Variants in BRD9 observed in about 807,000 individuals in gnomAD.
BRD9 encodes the protein bromodomain containing 9.
Under a neutral mutation model 68.7 loss-of-function variants are expected in BRD9, and 47 were observed. That is an observed-to-expected ratio of 0.68 (90% CI 0.54 to 0.87). BRD9 has a LOEUF of 0.87. Among genes scored for constraint, BRD9 ranks in the 40% least tolerant of loss-of-function variants. The probability of loss-of-function intolerance (pLI) is 0.00; values close to 1 mark genes in which losing one functional copy is unlikely to be tolerated. For synonymous variants in BRD9, 313 were observed against 293.9 expected (o/e 1.06, Z -0.67); for missense variants, 670 against 748.4 (o/e 0.90, Z 1.22).
At chr5:878,213 G>T in intron 11 of BRD9, 142 bp downstream of exon 11, 1 of 1,232,982 alleles carries the variant, frequency 8.1e-7, no homozygotes, top group Non-Finnish European at 1.1e-6. Context: ...ATGACTGAAA[G>T]CAACGGGAAG....
chr5:864,683 G>T, intron 15 of BRD9, 115 bp from the exon 16 acceptor site: 1 of 811,460 alleles, frequency 1.2e-6, no homozygotes, highest in Non-Finnish European at 2.0e-6. Context: ...GGGACTCCCA[G>T]GACACAGGGG....
At chr5:883,116 C>T (rs994737332) in intron 8 of BRD9, 47 of 361,356 alleles carry the variant, frequency 1.3e-4, no homozygotes, top group South Asian at 3.8e-4. Flanking sequence ...ACCGCAACCT[C>T]GCAACACGCA....
chr5:880,968 G>A, intron 9 of BRD9, 139 bp downstream of exon 9: 2 of 828,356 alleles, frequency 2.4e-6, no homozygotes, highest in African/African-American at 1.7e-5. Context: ...GTCACGTTGG[G>A]GTGCGAGCAA....
intron 14 of BRD9, 24 bp downstream of exon 14, chr5:870,449 G>C (rs771287039): frequency 1.3e-6 from 2 of 1,568,248 alleles, no homozygotes; most frequent in Middle Eastern, 1.7e-4. Flanking sequence ...CAGGTGCTGT[G>C]GGAAAGTGCC....
intron 12 of BRD9, among the ~76,000 whole-genome samples, chr5:872,546 G>A (rs1267806091): frequency 6.6e-6 from 1 of 152,178 alleles, no homozygotes; most frequent in African/African-American, 2.4e-5. Context: ...GAAGGAGCCT[G>A]CAGGCCACGA....
chr5:880,119 TACC>T (rs1751525883), intron 9 of BRD9: 8 of 262,912 alleles, frequency 3.0e-5, no homozygotes, highest in Admixed American at 2.9e-4. Context: ...CAATAAAAAA[TACC>T]ACATCTTTGG....
intron 12 of BRD9, among the ~76,000 whole-genome samples, chr5:874,598 C>T (rs750695217): frequency 4.6e-5 from 7 of 152,140 alleles, no homozygotes; most frequent in Non-Finnish European, 8.8e-5. Flanking sequence ...GAACCGGAAA[C>T]GGCAGAGGCG....
intron 8 of BRD9, chr5:881,532 C>T (rs73733943): frequency 0.013 from 4,619 of 366,502 alleles, 178 homozygotes; most frequent in African/African-American, 0.081. Context: ...GCGGCTCCAG[C>T]CCTCAAGCAT....
chr5:884,113 C>A (rs1487017686), intron 7 of BRD9, 43 bp from the exon 8 acceptor site: 3 of 1,599,318 alleles, frequency 1.9e-6, no homozygotes, highest in African/African-American at 2.7e-5. Flanking sequence ...GCAGCGTCCC[C>A]ACCGCACACC....
At chr5:892,120 G>A (rs370002591) in intron 1 of BRD9, 5 of 523,550 alleles carry the variant, frequency 9.6e-6, no homozygotes, top group Non-Finnish European at 1.3e-5. Context: ...CACATTACTC[G>A]TTCAAGAAGA....
At chr5:868,070 T>C (rs1749611609) in intron 14 of BRD9, among the ~76,000 whole-genome samples, 1 of 152,186 alleles carries the variant, frequency 6.6e-6, no homozygotes, top group Non-Finnish European at 1.5e-5. Context: ...TCCCCCTTGC[T>C]GTTCTCTGTT....
rs767914587 is a variant in BRD9 at position 891,298 on chromosome 5, G to C, written c.268-11C>G. Reference sequence around the variant, plus strand: ...CCGCTTCTTCTCTTCCTGGGCGGCAGAGTCAAGGGAGTGAGAAAGGCAGGA... The same window carrying C: ...CCGCTTCTTCTCTTCCTGGGCGGCACAGTCAAGGGAGTGAGAAAGGCAGGA... On this transcript the variant is annotated splice_polypyrimidine_tract_variant and intron_variant, in intron 2 of 15. Transcript: ENST00000467963. The C allele has an allele frequency of 8.4e-6, 13 of 1,549,818 alleles. No homozygotes were observed. The South Asian group carries it at 1.2e-4, about 14-fold the overall frequency.
chr5:871,710 C>T (rs1435016384), intron 12 of BRD9, 146 bp from the exon 13 acceptor site: 2 of 761,502 alleles, frequency 2.6e-6, no homozygotes, highest in African/African-American at 1.7e-5. Flanking sequence ...TGGATTAAGG[C>T]TGGGGGTCCT....
In BRD9 at chr5:876,157, G is replaced by A; in HGVS notation, c.1327C>T (p.Leu443Phe). The A allele has an allele frequency of 1.2e-6, 2 of 1,613,690 alleles. No homozygotes were observed. The highest frequency in any genetic ancestry group is 8.5e-7 in the Non-Finnish European group (1 of 1,179,926). ...TCTCCGCCTGTGATCTGGTCCAGGA[G>A]GTCGTCCACCACTTTCTTGCTGTAG... ...GSYSKKVVDD[L>F]LDQITGGDHS... The change falls in exon 12 of 16, where the codon CTC becomes TTC. Residue 443 changes from leucine to phenylalanine, a missense_variant. By Grantham distance (22) the Leu-to-Phe change is conservative. Coordinates refer to ENST00000467963, the MANE Select transcript of BRD9 (RefSeq NM_023924.5).
intron 12 of BRD9, among the ~76,000 whole-genome samples, chr5:874,037 TGAAA>T (rs1263378956): frequency 6.6e-6 from 1 of 152,242 alleles, no homozygotes; most frequent in Non-Finnish European, 1.5e-5. Flanking sequence ...CAGTATTCTC[TGAAA>T]GAGAGAAAGA....
intron 13 of BRD9, among the ~76,000 whole-genome samples, 153 bp from the exon 14 acceptor site, chr5:870,728 G>A (rs1750019800): frequency 6.6e-6 from 1 of 152,226 alleles, no homozygotes; most frequent in African/African-American, 2.4e-5. Flanking sequence ...CACTGAGGCT[G>A]CTGTTCAAGG....
intron 8 of BRD9, 145 bp from the exon 9 acceptor site, chr5:881,327 T>A: frequency 1.3e-6 from 1 of 767,532 alleles, no homozygotes; most frequent in Non-Finnish European, 2.1e-6. Flanking sequence ...CGGCATTCCC[T>A]GGAATTTCAG....
intron 11 of BRD9, among the ~76,000 whole-genome samples, chr5:876,755 C>A (rs73733915): frequency 6.6e-6 from 1 of 152,142 alleles, no homozygotes; most frequent in Non-Finnish European, 1.5e-5. Flanking sequence ...ACCAAGCAAG[C>A]GCCTCAGAAG....
chr5:876,097 C>T lies in BRD9; in HGVS notation c.1383+4G>A. The T allele has an allele frequency of 6.2e-7, 1 of 1,607,300 alleles. No homozygotes were observed. Among genetic ancestry groups the T allele is most frequent in the South Asian group, 1.1e-5 (1 of 90,890 alleles). ...CCCCCAACCCCGGTGCGAGTGCAGC[C>T]CACCTGCTTCAGCTGGAAGAGCGTC... On this transcript the variant is annotated splice_donor_region_variant and intron_variant, in intron 12 of 15. Coordinates refer to ENST00000467963, the MANE Select transcript of BRD9 (RefSeq NM_023924.5).
Sources: gnomAD v4.1 joint callset for allele counts (sites outside exome capture counted in the v4.1 genomes callset) on GRCh38, gnomAD v4.1.1 for gene constraint, MANE v1.5 for transcripts, NCBI Gene and HGNC (gene_info 2026-07-23, HGNC 2026-07-21) for gene names.